Variants in ATP1A3 observed in about 807,000 individuals in gnomAD.
ATP1A3 encodes the protein sodium/potassium-transporting ATPase subunit alpha-3.
Under a neutral mutation model 108.8 loss-of-function variants are expected in ATP1A3, and 12 were observed. That is an observed-to-expected ratio of 0.11 (90% CI 0.07 to 0.18). ATP1A3 has a LOEUF of 0.18. Among genes scored for constraint, ATP1A3 ranks in the 10% least tolerant of loss-of-function variants. The pLI is 1.00. For missense variants in ATP1A3, 498 were observed against 1,387.7 expected (o/e 0.36, Z 10.19); for synonymous variants, 539 against 564.5 (o/e 0.95, Z 0.64).
chr19:41,971,578 G>A (rs1467479412), intron 16 of ATP1A3, among the ~76,000 whole-genome samples: 4 of 152,100 alleles, frequency 2.6e-5, no homozygotes, highest in South Asian at 4.1e-4. Flanking sequence ...AAGAAGGGGC[G>A]AGCTACGGAC....
At chr19:41,982,172 A>ACG (rs1389805737) in intron 8 of ATP1A3, 66 bp from the exon 9 acceptor site, 16 of 1,611,984 alleles carry the variant, frequency 9.9e-6, no homozygotes, top group Non-Finnish European at 1.4e-5. Context: ...GATGAGCGAC[A>ACG]CGAGGGCCAC....
Position 41,967,372 on chromosome 19 carries a change from C to T in ATP1A3, c.2922-32G>A, listed in dbSNP as rs187089002. The T allele has an allele frequency of 1.9e-5, 30 of 1,594,886 alleles. No homozygotes were observed. The African/African-American group carries it at 2.8e-4, about 15-fold the overall frequency. On this transcript the variant is annotated intron_variant, in intron 21 of 22. Transcript: ENST00000648268. The surrounding 1 kb of genome is among the most constrained non-coding windows in gnomAD (Gnocchi z 4.2). ...AGGGGAGAGCAGGAGGGCTTGAGTG[C>T]GGGGCCCTAACGAGAGGCAGAGTTT...
intron 8 of ATP1A3, among the ~76,000 whole-genome samples, chr19:41,982,575 G>A (rs540938591): frequency 3.2e-4 from 48 of 151,098 alleles, no homozygotes; most frequent in African/African-American, 1.1e-3. Flanking sequence ...GCAGTGATCC[G>A]AAATCGTGAC....
intron 16 of ATP1A3, among the ~76,000 whole-genome samples, chr19:41,970,911 C>T (rs192502198): frequency 4.0e-4 from 61 of 152,044 alleles, no homozygotes; most frequent in East Asian, 9.7e-4. Context: ...GGATTACAGG[C>T]GTGAGCCACC....
intron 14 of ATP1A3, among the ~76,000 whole-genome samples, chr19:41,977,623 C>T (rs907718724): frequency 1.1e-4 from 17 of 152,096 alleles, no homozygotes; most frequent in African/African-American, 2.9e-4. Context: ...TGCTTGAACC[C>T]GGGAGGCGGA....
intron 1 of ATP1A3, 181 bp downstream of exon 1, chr19:41,993,890 C>G (rs1054274097): frequency 2.3e-5 from 26 of 1,149,838 alleles, no homozygotes; most frequent in Non-Finnish European, 4.9e-6. Flanking sequence ...GCGCCACAGA[C>G]CCCCCGCCGC....
At chr19:41,987,877 G>T (rs1025396710) in intron 4 of ATP1A3, 59 bp downstream of exon 4, 7 of 1,585,550 alleles carry the variant, frequency 4.4e-6, no homozygotes, top group Admixed American at 1.7e-5. Context: ...AGAAGTTGGG[G>T]TGCGGTGTCC....
Position 41,966,694 on chromosome 19 carries a change from T to G in ATP1A3, c.*243A>C. 6.5e-7 allele frequency: 1 copy of G among 1,529,634 alleles called. No homozygotes were observed. Among genetic ancestry groups the G allele is most frequent in the Non-Finnish European group, 8.8e-7 (1 of 1,136,596 alleles). The allele number at this position is 1,529,634 out of a possible 1,614,324, so 94.8% of individuals were successfully genotyped here. A position where few individuals can be genotyped will look rare whatever the true frequency, so the allele number is the denominator to read the frequency against. On this transcript the variant is annotated 3_prime_UTR_variant, in exon 23 of 23. Coordinates refer to ENST00000648268, the MANE Select transcript of ATP1A3 (RefSeq NM_152296.5). Reference sequence around the variant, plus strand: ...AGGGAGGTGGCTGGGGCGGGAGGAATGGATAGAGGGGTGAGGAGAGGGAGA... The same window carrying G: ...AGGGAGGTGGCTGGGGCGGGAGGAAGGGATAGAGGGGTGAGGAGAGGGAGA...
chr19:41,986,353 C>T, intron 4 of ATP1A3, 124 bp from the exon 5 acceptor site: 1 of 907,158 alleles, frequency 1.1e-6, no homozygotes, highest in Non-Finnish European at 1.7e-6. Context: ...GTGTCTGACC[C>T]TAGGTTGGTT....
At chr19:41,972,289 C>A (rs2075117973) in intron 16 of ATP1A3, among the ~76,000 whole-genome samples, 1 of 151,556 alleles carries the variant, frequency 6.6e-6, no homozygotes, top group Non-Finnish European at 1.5e-5. Flanking sequence ...TAGTCAGGCA[C>A]GGTGGCTCGA....
chr19:41,994,009 A>C, intron 1 of ATP1A3, 62 bp downstream of exon 1: 1 of 1,604,466 alleles, frequency 6.2e-7, no homozygotes, highest in South Asian at 1.1e-5. Context: ...CCCCGCGCAC[A>C]CCCAATGTCA....
chr19:41,981,530 A>C lies in ATP1A3; in HGVS notation c.1409T>G (p.Ile470Ser). ...MRERNKKVAE[I>S]PFNSTNKYQL... ...GTATTTGTTGGTGGAATTGAAGGGA[A>C]TCTCAGCCACTTTCTTGTTGCGTTC... Residue 470 changes from isoleucine to serine, a missense_variant, in exon 11 of 23, where the codon ATT (isoleucine) becomes AGT (serine). Physicochemically the swap from Ile to Ser is moderately radical, Grantham distance 142. Around this residue, in one of 9 missense-constraint regions of ATP1A3, gnomAD observed 92 missense variants for 168.7 expected, o/e 0.55. Transcript: ENST00000648268. The surrounding 1 kb of genome is among the most constrained non-coding windows in gnomAD (Gnocchi z 5.0). The C allele has an allele frequency of 1.2e-6, 2 of 1,614,196 alleles. No homozygotes were observed. The highest frequency in any genetic ancestry group is 1.7e-6 in the Non-Finnish European group (2 of 1,180,044).
chr19:41,976,115 C>A (rs2145960589), intron 15 of ATP1A3, among the ~76,000 whole-genome samples: 1 of 149,492 alleles, frequency 6.7e-6, no homozygotes, highest in African/African-American at 2.5e-5. Flanking sequence ...AGCCCCTCCT[C>A]CCTCAGACCC....
Position 41,978,373 on chromosome 19 carries a change from C to T in ATP1A3, c.1631-47G>A, listed in dbSNP as rs1555862195. On this transcript the variant is annotated intron_variant, in intron 12 of 22. Transcript: ENST00000648268. The surrounding 1 kb of genome is among the most constrained non-coding windows in gnomAD (Gnocchi z 8.3). ...GGTGTGAGGGTCCCAGCCTCGGAACCTCCGCCCCATGCCCCTAGATGTCTG... is the reference window on the plus strand; with the variant it reads ...GGTGTGAGGGTCCCAGCCTCGGAACTTCCGCCCCATGCCCCTAGATGTCTG... 3 of 1,560,442 alleles carry T rather than the reference C, an allele frequency of 1.9e-6. No individual in the cohort carries two copies. The highest frequency in any genetic ancestry group is 1.9e-5 in the Admixed American group (1 of 51,490).
In ATP1A3 at chr19:41,969,489, C is replaced by T. The variant is rs782293282; in HGVS notation, c.2634G>A (p.Leu878=). 39 of 1,614,062 alleles carry T rather than the reference C, an allele frequency of 2.4e-5. No homozygotes were observed. The East Asian group carries it at 7.8e-4, about 32-fold the overall frequency. Residue 878 remains leucine (L), a synonymous_variant, in exon 19 of 23, where the codon CTG becomes CTA. Transcript: ENST00000648268. ...FLPGNLVGIR[L]NWDDRTVNDL... ...CATTGACGGTGCGGTCATCCCAGTT[C>T]AGCCGGATGCCCACCAGGTTGCCGG...
intron 17 of ATP1A3, 28 bp downstream of exon 17, chr19:41,970,360 G>A (rs530652371): frequency 4.5e-5 from 73 of 1,614,204 alleles, no homozygotes; most frequent in Non-Finnish European, 5.8e-5. Flanking sequence ...CACCCTCCTG[G>A]GCCCCAAGGG....
intron 4 of ATP1A3, among the ~76,000 whole-genome samples, chr19:41,987,551 C>T (rs566539014): frequency 3.3e-5 from 5 of 152,084 alleles, no homozygotes; most frequent in Admixed American, 6.6e-5. Flanking sequence ...GGCTGCATCT[C>T]GAATGTGTCC....
chr19:41,989,380 A>C (rs1329879072), intron 1 of ATP1A3, among the ~76,000 whole-genome samples: 4 of 138,464 alleles, frequency 2.9e-5, no homozygotes, highest in Non-Finnish European at 6.0e-5. Context: ...GTGCAGTGGC[A>C]TGATCTCAGC....
At chr19:41,987,470 C>T (rs1268388726) in intron 4 of ATP1A3, among the ~76,000 whole-genome samples, 2 of 152,168 alleles carry the variant, frequency 1.3e-5, no homozygotes, top group Non-Finnish European at 2.9e-5. Context: ...CGTGTGTGTG[C>T]ACACACGCCT....
Sources: allele counts gnomAD v4.1 joint callset (sites outside exome capture counted in the v4.1 genomes callset), GRCh38; gene constraint gnomAD v4.1.1; regional missense constraint gnomAD v4.1.1; non-coding constraint Gnocchi (gnomAD v3.1); transcripts MANE v1.5; gene names NCBI Gene and HGNC (gene_info 2026-07-23, HGNC 2026-07-21).